CSMD1: variants seen among roughly 807,000 people sequenced by gnomAD.
CSMD1 encodes the protein CUB and sushi domain-containing protein 1.
CSMD1 carries 213 observed loss-of-function variants against 417.5 expected under a neutral mutation model. That is an observed-to-expected ratio of 0.51 (90% CI 0.46 to 0.57). The LOEUF (loss-of-function observed/expected upper bound fraction) is 0.57. Ranked by LOEUF, CSMD1 falls within the 20% of genes least tolerant of loss-of-function variation. The pLI is 0.00. For synonymous variants in CSMD1, 2,862 were observed against 1,736.8 expected, an observed-to-expected ratio of 1.65 and a Z score of -16.11; for missense variants, 6,923 against 4,529.7, an observed-to-expected ratio of 1.53 and a Z score of -15.17.
In CSMD1 at chr8:3,787,607, T is replaced by A. The variant is rs1164266545; in HGVS notation, c.819-33565A>T. Among the ~76,000 whole-genome samples, 3 of 152,300 alleles carry A rather than the reference T, an allele frequency of 2.0e-5. No homozygotes were observed. In the East Asian group the frequency reaches 5.8e-4, roughly 29 times the overall value. On this transcript the variant is annotated intron_variant, in intron 5 of 69. Transcript: ENST00000635120. ...TTAAAGATGTAGTTGCTACAACAGT[T>A]AATTCTGTATAAGTATTTTTATTCC...
At chr8:4,965,782 C>T (rs1307471771) in intron 1 of CSMD1, among the ~76,000 whole-genome samples, 2 of 152,050 alleles carry the variant, frequency 1.3e-5, no homozygotes, top group African/African-American at 4.8e-5. Flanking sequence ...GCCCAGAATT[C>T]AATCTAATTT....
chr8:3,952,238 G>C (rs935051870), intron 5 of CSMD1, among the ~76,000 whole-genome samples: 5 of 151,960 alleles, frequency 3.3e-5, no homozygotes, highest in African/African-American at 1.2e-4. Flanking sequence ...AGATGGTATG[G>C]GCCTTCCTCA....
intron 1 of CSMD1, among the ~76,000 whole-genome samples, chr8:4,879,300 T>G (rs1585253702): frequency 6.6e-6 from 1 of 152,148 alleles, no homozygotes; most frequent in South Asian, 2.1e-4. Flanking sequence ...GTTTATTGGC[T>G]ATATTTAGCA....
intron 3 of CSMD1, among the ~76,000 whole-genome samples, chr8:4,387,047 G>A (rs780210875): frequency 6.6e-6 from 1 of 152,138 alleles, no homozygotes; most frequent in African/African-American, 2.4e-5. Flanking sequence ...GGGATATCCA[G>A]ATTAAAAAAC....
At chr8:3,034,796 T>A (rs563198534) in intron 50 of CSMD1, among the ~76,000 whole-genome samples, 2 of 152,240 alleles carry the variant, frequency 1.3e-5, no homozygotes, top group East Asian at 1.9e-4. Flanking sequence ...ACATTAAACA[T>A]TATAGACTAG....
intron 5 of CSMD1, among the ~76,000 whole-genome samples, chr8:3,826,297 G>A (rs1802050282): frequency 1.3e-5 from 2 of 151,988 alleles, no homozygotes; most frequent in Admixed American, 1.3e-4. Flanking sequence ...AATGAAGGAG[G>A]TTGAGATTGT....
At position 4,606,708 on chromosome 8, in the gene CSMD1, A is replaced by G. The variant is rs1401440680; in HGVS notation, c.302+30634T>C. Among the ~76,000 whole-genome samples the G allele has an allele frequency of 2.0e-5, 3 of 152,218 alleles. No homozygotes were observed. In the East Asian group the frequency reaches 5.8e-4, roughly 29 times the overall value. Reference sequence around the variant, plus strand: ...GTACATAATATTGTATTATTGATCTATCCTCCAGTTTGATAAAGACCTTTT... The same window carrying G: ...GTACATAATATTGTATTATTGATCTGTCCTCCAGTTTGATAAAGACCTTTT... On this transcript the variant is annotated intron_variant, in intron 2 of 69. Coordinates refer to ENST00000635120, the MANE Select transcript of CSMD1 (RefSeq NM_033225.6).
intron 41 of CSMD1, among the ~76,000 whole-genome samples, chr8:3,133,115 C>T (rs185890936): frequency 8.5e-4 from 130 of 152,322 alleles, no homozygotes; most frequent in African/African-American, 2.9e-3. Flanking sequence ...CCCTGGATGT[C>T]ACCCACTGCA....
chr8:4,915,915 G>T (rs1256272294), intron 1 of CSMD1, among the ~76,000 whole-genome samples: 2 of 152,180 alleles, frequency 1.3e-5, no homozygotes, highest in African/African-American at 4.8e-5. Flanking sequence ...GGCTCTTCAT[G>T]GGGAGTGGGT....
chr8:3,367,657 C>T (rs567690593), intron 19 of CSMD1, among the ~76,000 whole-genome samples: 12 of 151,852 alleles, frequency 7.9e-5, no homozygotes, highest in African/African-American at 2.9e-4. Context: ...GGATAAACAA[C>T]AAAAATAAAT....
intron 3 of CSMD1, among the ~76,000 whole-genome samples, chr8:4,159,870 A>T (rs181946417): frequency 2.0e-5 from 3 of 152,284 alleles, no homozygotes; most frequent in East Asian, 3.9e-4. Flanking sequence ...GTTCTCACCC[A>T]TAAGTGCGAG....
chr8:4,422,913 T>C (rs1302130590), intron 2 of CSMD1, among the ~76,000 whole-genome samples: 5 of 152,038 alleles, frequency 3.3e-5, no homozygotes, highest in African/African-American at 1.2e-4. Context: ...ATTAATGGGC[T>C]AACAAAGTAA....
intron 23 of CSMD1, among the ~76,000 whole-genome samples, chr8:3,310,872 AG>A (rs1805285057): frequency 6.6e-6 from 1 of 151,758 alleles, no homozygotes; most frequent in Non-Finnish European, 1.5e-5. Context: ...AAGGGGCAAA[AG>A]AAATCTGGAG....
At chr8:3,792,383 T>A (rs985037519) in intron 5 of CSMD1, among the ~76,000 whole-genome samples, 1 of 152,198 alleles carries the variant, frequency 6.6e-6, no homozygotes, top group Non-Finnish European at 1.5e-5. Flanking sequence ...TGTAGCCACT[T>A]CCTGCCTCAT....
At chr8:4,688,788 G>T (rs1008921895) in intron 1 of CSMD1, among the ~76,000 whole-genome samples, 1 of 152,128 alleles carries the variant, frequency 6.6e-6, no homozygotes, top group Non-Finnish European at 1.5e-5. Flanking sequence ...AAAACTCCCC[G>T]TGCTTTGTGA....
intron 3 of CSMD1, among the ~76,000 whole-genome samples, chr8:4,036,517 G>A (rs919181903): frequency 2.0e-5 from 3 of 152,178 alleles, no homozygotes; most frequent in African/African-American, 4.8e-5. Context: ...CCAAGAGACA[G>A]CTACTACCAT....
chr8:4,470,480 A>G (rs1055476996), intron 2 of CSMD1, among the ~76,000 whole-genome samples: 1 of 152,234 alleles, frequency 6.6e-6, no homozygotes, highest in Non-Finnish European at 1.5e-5. Flanking sequence ...CTCAATGCTT[A>G]ACTGGAAGGA....
intron 2 of CSMD1, among the ~76,000 whole-genome samples, chr8:4,566,332 T>A (rs1798603589): frequency 6.6e-6 from 1 of 152,190 alleles, no homozygotes; most frequent in South Asian, 2.1e-4. Context: ...ATTAAATGTA[T>A]GACAAGAGTC....
chr8:3,718,089 T>C (rs923725645), intron 6 of CSMD1, among the ~76,000 whole-genome samples: 4 of 152,240 alleles, frequency 2.6e-5, no homozygotes, highest in Non-Finnish European at 5.9e-5. Flanking sequence ...AATGCTATCT[T>C]ATTTTTATTA....
Sources: allele counts gnomAD v4.1 joint callset (sites outside exome capture counted in the v4.1 genomes callset), GRCh38; gene constraint gnomAD v4.1.1; transcripts MANE v1.5; gene names NCBI Gene and HGNC (gene_info 2026-07-23, HGNC 2026-07-21).